Variants in CLASP1 observed in about 807,000 individuals in gnomAD.
The protein encoded by CLASP1 is CLIP-associating protein 1.
Under a neutral mutation model 192.3 loss-of-function variants are expected in CLASP1, and 38 were observed. The observed-to-expected ratio is 0.20, with a 90% CI of 0.15 to 0.26. CLASP1 has a LOEUF of 0.26. Among genes scored for constraint, CLASP1 ranks in the 10% least tolerant of loss-of-function variants. The pLI, the probability that CLASP1 is intolerant of heterozygous loss-of-function variation, is 1.00. For missense variants in CLASP1, 1,433 were observed against 1,932.5 expected (o/e 0.74, Z 4.85); for synonymous variants, 691 against 712.8 (o/e 0.97, Z 0.49).
At chr2:121,390,504 G>A (rs761737575) in intron 30 of CLASP1, among the ~76,000 whole-genome samples, 1 of 152,110 alleles carries the variant, frequency 6.6e-6, no homozygotes, top group African/African-American at 2.4e-5. Context: ...TTGAGAGGTG[G>A]GGTTTGTAAA....
At chr2:121,397,401 G>T in intron 29 of CLASP1, 118 bp from the exon 31 acceptor site, 2 of 816,144 alleles carry the variant, frequency 2.5e-6, no homozygotes, top group Admixed American at 2.6e-5. Flanking sequence ...CCTTTCTCCT[G>T]TATCGATAGT....
intron 10 of CLASP1, 106 bp from the exon 11 acceptor site, chr2:121,461,299 T>TTTTTTAATTA (rs1473170156): frequency 1.5e-6 from 1 of 653,828 alleles, no homozygotes; most frequent in Non-Finnish European, 2.6e-6. Flanking sequence ...AAGAAATTAT[T>TTTTTTAATTA]TTTTTAAGAA....
At chr2:121,445,398 A>C in intron 19 of CLASP1, 1 of 1,185,772 alleles carries the variant, frequency 8.4e-7, no homozygotes, top group Non-Finnish European at 1.1e-6. Context: ...TTGCTCTAGC[A>C]ATGCCTATCC....
chr2:121,575,957 C>T (rs891311251), intron 2 of CLASP1, among the ~76,000 whole-genome samples: 5 of 152,300 alleles, frequency 3.3e-5, no homozygotes, highest in East Asian at 1.9e-4. Context: ...AAATGACTTA[C>T]GTAGCTAAGA....
intron 8 of CLASP1, among the ~76,000 whole-genome samples, chr2:121,488,861 T>C (rs1341219925): frequency 6.6e-6 from 1 of 152,200 alleles, no homozygotes; most frequent in Non-Finnish European, 1.5e-5. Flanking sequence ...AGGGTAAAAG[T>C]TACCAAAGCA....
intron 2 of CLASP1, among the ~76,000 whole-genome samples, chr2:121,531,683 C>T (rs1274627172): frequency 6.6e-6 from 1 of 151,238 alleles, no homozygotes; most frequent in Non-Finnish European, 1.5e-5. Context: ...TCCTGGCCAA[C>T]ATGGTGAAAC....
At chr2:121,562,277 A>G (rs752391612) in intron 2 of CLASP1, among the ~76,000 whole-genome samples, 6 of 152,224 alleles carry the variant, frequency 3.9e-5, no homozygotes, top group Non-Finnish European at 7.3e-5. Context: ...GCCTGTGACC[A>G]CTGCTAACCT....
chr2:121,391,289 G>C (rs1428665001), intron 30 of CLASP1, among the ~76,000 whole-genome samples: 3 of 152,192 alleles, frequency 2.0e-5, no homozygotes, highest in Non-Finnish European at 2.9e-5. Flanking sequence ...TCCAGGACCA[G>C]AGCAGGTTGA....
At chr2:121,445,038 T>A in intron 19 of CLASP1, 1 of 892,992 alleles carries the variant, frequency 1.1e-6, no homozygotes, top group Non-Finnish European at 1.6e-6. Context: ...AAAAGCCGAA[T>A]GTTATTAGCT....
intron 8 of CLASP1, among the ~76,000 whole-genome samples, chr2:121,500,066 C>T (rs1455433914): frequency 6.6e-6 from 1 of 152,040 alleles, no homozygotes; most frequent in African/African-American, 2.4e-5. Context: ...GATGACAAGA[C>T]TGTATATGTA....
chr2:121,516,461 G>A (rs921690934), intron 6 of CLASP1, among the ~76,000 whole-genome samples: 2 of 152,240 alleles, frequency 1.3e-5, no homozygotes, highest in Admixed American at 6.5e-5. Flanking sequence ...GCAAAGGCAC[G>A]AAAGCAGACA....
intron 6 of CLASP1, among the ~76,000 whole-genome samples, chr2:121,525,217 A>G (rs1203447465): frequency 6.6e-6 from 1 of 152,154 alleles, no homozygotes; most frequent in Non-Finnish European, 1.5e-5. Flanking sequence ...GGAGAGTTCA[A>G]TGCTATTTCT....
chr2:121,621,669 ATG>A (rs2067371560), intron 1 of CLASP1, among the ~76,000 whole-genome samples: 1 of 152,188 alleles, frequency 6.6e-6, no homozygotes, highest in Non-Finnish European at 1.5e-5. Context: ...ATTGATCTAT[ATG>A]TCTATCTTTA....
chr2:121,563,837 G>A (rs1057059186), intron 2 of CLASP1, among the ~76,000 whole-genome samples: 1 of 152,184 alleles, frequency 6.6e-6, no homozygotes, highest in Non-Finnish European at 1.5e-5. Flanking sequence ...TGCTGATAAA[G>A]ACATATCCAA....
At chr2:121,401,571 T>C (rs1485815633) in exon 28 of CLASP1, 1 of 1,613,422 alleles carries the variant, frequency 6.2e-7, no homozygotes, top group Non-Finnish European at 8.5e-7. Flanking sequence ...CTGCTCCCAT[T>C]TTCTTAAGTA....
chr2:121,567,466 A>G (rs995431518), intron 2 of CLASP1, among the ~76,000 whole-genome samples: 1 of 152,226 alleles, frequency 6.6e-6, no homozygotes, highest in Admixed American at 6.5e-5. Flanking sequence ...TGCCTATCTT[A>G]TAAGATCCAG....
chr2:121,530,457 G>A (rs1011375310), intron 2 of CLASP1, 132 bp from the exon 3 acceptor site: 5 of 630,802 alleles, frequency 7.9e-6, no homozygotes, highest in African/African-American at 3.7e-5. Context: ...GCCGACTGGA[G>A]GACCAAAGAG....
intron 23 of CLASP1, among the ~76,000 whole-genome samples, chr2:121,413,266 C>CA (rs759253243): frequency 3.3e-5 from 5 of 151,642 alleles, no homozygotes; most frequent in Non-Finnish European, 5.9e-5. Context: ...GTTTCAAAAA[C>CA]AAAAAACAAA....
chr2:121,441,036 C>G (rs2083247538), intron 19 of CLASP1, among the ~76,000 whole-genome samples: 2 of 152,096 alleles, frequency 1.3e-5, no homozygotes, highest in African/African-American at 4.8e-5. Flanking sequence ...GATTCTTTTT[C>G]ACTCACATTG....
Sources: gnomAD v4.1 joint callset for allele counts (sites outside exome capture counted in the v4.1 genomes callset) on GRCh38, gnomAD v4.1.1 for gene constraint, MANE v1.5 for transcripts, NCBI Gene and HGNC (gene_info 2026-07-23, HGNC 2026-07-21) for gene names.